Variants in SPATS2 observed in about 807,000 individuals in gnomAD.
SPATS2 encodes the protein spermatogenesis associated serine rich 2, also known as spermatogenesis-associated serine-rich protein 2.
A neutral mutation model predicts 63.7 loss-of-function variants in SPATS2; 38 were observed. The observed-to-expected ratio is 0.60, with a 90% CI of 0.46 to 0.78. SPATS2 has a LOEUF of 0.78. Ranked by LOEUF, SPATS2 falls within the 30% of genes least tolerant of loss-of-function variation. SPATS2 has a pLI of 0.00. For synonymous variants in SPATS2, 207 were observed against 232.9 expected (o/e 0.89, Z 1.01); for missense variants, 588 against 666.2 (o/e 0.88, Z 1.29).
At chr12:49,372,671 G>A (rs1033580794) in intron 2 of SPATS2, among the ~76,000 whole-genome samples, 6 of 151,850 alleles carry the variant, frequency 4.0e-5, no homozygotes, top group Admixed American at 2.6e-4. Context: ...TGTTTTACAT[G>A]TATGAGATGC....
chr12:49,374,421 T>C (rs894722230), intron 2 of SPATS2, among the ~76,000 whole-genome samples: 3 of 152,118 alleles, frequency 2.0e-5, no homozygotes, highest in African/African-American at 7.2e-5. Flanking sequence ...TGAGCCACAG[T>C]GCCCAGCTCA....
chr12:49,435,092 G>T (rs1414843959), intron 2 of SPATS2, among the ~76,000 whole-genome samples: 1 of 145,946 alleles, frequency 6.9e-6, no homozygotes, highest in African/African-American at 2.5e-5. Flanking sequence ...GTGCAGTGGC[G>T]CAATCTCAGC....
intron 2 of SPATS2, among the ~76,000 whole-genome samples, chr12:49,434,069 G>T (rs78359291): frequency 0.022 from 3,371 of 152,178 alleles, 120 homozygotes; most frequent in African/African-American, 0.077. Flanking sequence ...TGGCCCCTTT[G>T]TTGAAGATCT....
At chr12:49,372,428 C>G (rs1158959824) in intron 2 of SPATS2, among the ~76,000 whole-genome samples, 1 of 152,122 alleles carries the variant, frequency 6.6e-6, no homozygotes, top group East Asian at 1.9e-4. Context: ...TTGACTTTTT[C>G]TGTATTGCTA....
chr12:49,453,738 A>G (rs1340571909), intron 2 of SPATS2, among the ~76,000 whole-genome samples: 1 of 152,064 alleles, frequency 6.6e-6, no homozygotes, highest in Non-Finnish European at 1.5e-5. Flanking sequence ...GCTTGAGCCC[A>G]GGAGTTTGAG....
At chr12:49,518,958 G>A in intron 10 of SPATS2, 115 bp from the exon 11 acceptor site, 2 of 628,192 alleles carry the variant, frequency 3.2e-6, no homozygotes, top group Non-Finnish European at 5.1e-6. Flanking sequence ...TTTTCTGGGT[G>A]GATAGGCAGC....
intron 2 of SPATS2, among the ~76,000 whole-genome samples, chr12:49,436,755 C>T (rs1358655201): frequency 2.0e-4 from 30 of 146,888 alleles, no homozygotes; most frequent in Non-Finnish European, 3.5e-4. Context: ...ACATCCTTCC[C>T]GGACAGGGCG....
intron 2 of SPATS2, among the ~76,000 whole-genome samples, chr12:49,380,657 G>C (rs1440806224): frequency 6.6e-6 from 1 of 152,000 alleles, no homozygotes; most frequent in African/African-American, 2.4e-5. Context: ...AGTGAGCCGA[G>C]ATGGCACCAC....
At chr12:49,374,765 G>T (rs538987787) in intron 2 of SPATS2, among the ~76,000 whole-genome samples, 20 of 151,930 alleles carry the variant, frequency 1.3e-4, no homozygotes, top group Admixed American at 1.2e-3. Context: ...GTTCAAGAGC[G>T]GTCTGGCCAA....
In SPATS2 at chr12:49,527,228, A is replaced by C. The variant is rs1222147919; in HGVS notation, c.*973A>C. 2 of 147,384 alleles carry C rather than the reference A, an allele frequency of 1.4e-5. No individual in the cohort carries two copies. The highest frequency in any genetic ancestry group is 4.9e-5 in the African/African-American group (2 of 40,416). The allele number at this position is 147,384 out of a possible 1,614,324, so 9.1% of individuals were successfully genotyped here. A position where few individuals can be genotyped will look rare whatever the true frequency, so the allele number is the denominator to read the frequency against. On this transcript the variant is annotated 3_prime_UTR_variant, in exon 14 of 14. Coordinates refer to ENST00000552918, the MANE Select transcript of SPATS2 (RefSeq NM_023071.4). ...GGAGACAGAGCAAGACTCAGTCTCA[A>C]AAAAAAAAAAAAAAGCATTTTTCTG...
At chr12:49,389,619 C>T (rs776772014) in intron 2 of SPATS2, 17 of 1,122,890 alleles carry the variant, frequency 1.5e-5, no homozygotes, top group Non-Finnish European at 2.2e-5. Context: ...CAAACCACAG[C>T]TCTCAATAAG....
chr12:49,511,599 G>A (rs1946754435), intron 9 of SPATS2, among the ~76,000 whole-genome samples: 1 of 152,106 alleles, frequency 6.6e-6, no homozygotes, highest in African/African-American at 2.4e-5. Context: ...ATCACTCTCT[G>A]GGAGGACTCA....
At position 49,485,757 on chromosome 12, in the gene SPATS2, C is replaced by CT. The variant is rs1304633706; in HGVS notation, c.105+1108dup. On this transcript the variant is annotated intron_variant, in intron 4 of 13. Transcript: ENST00000552918. ...AAAACATAAAAGCTTTATGGGCTCT[C>CT]TTTTTTTTTTTTTTTTTTTTGAGAC... Among the ~76,000 whole-genome samples the CT allele has an allele frequency of 9.1e-3, 1,171 of 128,928 alleles. 27 individuals are homozygous for CT. Among genetic ancestry groups the CT allele is most frequent in the South Asian group, 0.016 (62 of 3,914 alleles). 84.6% of individuals were successfully genotyped at this position (128,928 alleles called of 152,430 possible).
intron 5 of SPATS2, 140 bp from the exon 6 acceptor site, chr12:49,490,542 T>C (rs1592451246): frequency 1.3e-6 from 1 of 757,100 alleles, no homozygotes; most frequent in East Asian, 2.6e-5. Context: ...TACATTACTT[T>C]AGACCTGATC....
chr12:49,369,177 G>A (rs561048008), intron 1 of SPATS2, among the ~76,000 whole-genome samples: 3 of 151,874 alleles, frequency 2.0e-5, no homozygotes, highest in East Asian at 3.9e-4. Context: ...ACAGGTGCCC[G>A]CCAGCACGCC....
chr12:49,461,008 C>G lies in SPATS2; in HGVS notation c.-5C>G. The G allele has an allele frequency of 1.2e-6, 2 of 1,613,588 alleles. No individual in the cohort carries two copies. The highest frequency in any genetic ancestry group is 2.2e-5 in the East Asian group (1 of 44,814). The stretch of plus-strand genomic sequence containing the variant: ...TGTATATTTTTTGAGATCGAAGAAA[C>G]GACAATGTCCAGGAAACAGAACCAG... On this transcript the variant is annotated 5_prime_UTR_variant, in exon 3 of 14. Transcript: ENST00000552918.
intron 3 of SPATS2, among the ~76,000 whole-genome samples, chr12:49,464,974 A>G (rs1224752465): frequency 6.6e-6 from 1 of 152,206 alleles, no homozygotes; most frequent in Non-Finnish European, 1.5e-5. Context: ...TACACATATT[A>G]GTACAATATA....
intron 9 of SPATS2, among the ~76,000 whole-genome samples, chr12:49,501,257 G>A (rs1319520165): frequency 6.6e-6 from 1 of 152,158 alleles, no homozygotes; most frequent in African/African-American, 2.4e-5. Context: ...CAGTTTTGGA[G>A]TCTGAGAAGT....
chr12:49,500,039 T>G, intron 8 of SPATS2, 31 bp from the exon 9 acceptor site: 1 of 1,385,390 alleles, frequency 7.2e-7, no homozygotes, highest in Non-Finnish European at 9.4e-7. Context: ...ATTCTTTTTT[T>G]TTTTTTAATA....
Sources: allele counts gnomAD v4.1 joint callset (sites outside exome capture counted in the v4.1 genomes callset), GRCh38; gene constraint gnomAD v4.1.1; transcripts MANE v1.5; gene names NCBI Gene and HGNC (gene_info 2026-07-23, HGNC 2026-07-21).